The following PCDHGB7 variants were observed in gnomAD, a reference collection of about 807,000 sequenced individuals.
PCDHGB7 encodes the protein protocadherin gamma-B7.
In PCDHGB7, 37 loss-of-function variants were observed where a neutral mutation model predicts 61.4. The ratio of observed to expected loss-of-function variants is 0.60; its 90% CI spans 0.46 to 0.79. The LOEUF (loss-of-function observed/expected upper bound fraction) is 0.79, where lower values mean the gene tolerates loss of function less well. Ranked by LOEUF, PCDHGB7 falls within the 30% of genes least tolerant of loss-of-function variation. The probability of loss-of-function intolerance (pLI) is 0.00; values close to 1 mark genes in which losing one functional copy is unlikely to be tolerated. For missense variants in PCDHGB7, 1,166 were observed against 1,202.5 expected (o/e 0.97, Z 0.45); for synonymous variants, 464 against 503.5 (o/e 0.92, Z 1.05).
At position 141,418,990 on chromosome 5, in the gene PCDHGB7, G is replaced by A. The variant is rs1029969170; in HGVS notation, c.1131G>A (p.Gly377=). 1 of 1,613,784 alleles carries A rather than the reference G, an allele frequency of 6.2e-7. No homozygotes were observed. Among genetic ancestry groups the A allele is most frequent in the African/African-American group, 1.3e-5 (1 of 74,880 alleles). Residue 377 remains glycine, a synonymous_variant, in exon 1 of 4, where the codon GGG becomes GGA. Transcript: ENST00000398594. ...ALFKTRDQDS[G]ENGEVRCSLS... is the part of the protein sequence containing the mutation. ...TCAAAACACGGGACCAAGACTCAGGGGAAAATGGGGAAGTCAGGTGTAGCT... is the reference window on the plus strand; with the variant it reads ...TCAAAACACGGGACCAAGACTCAGGAGAAAATGGGGAAGTCAGGTGTAGCT...
chr5:141,502,126 A>C (rs2154593060), intron 2 of PCDHGB7, among the ~76,000 whole-genome samples: 1 of 152,252 alleles, frequency 6.6e-6, no homozygotes, highest in South Asian at 2.1e-4. Flanking sequence ...AGGCCCACAG[A>C]GCTCAGTCGG....
intron 3 of PCDHGB7, among the ~76,000 whole-genome samples, chr5:141,506,045 C>G (rs1379226123): frequency 6.6e-6 from 1 of 152,078 alleles, no homozygotes; most frequent in Non-Finnish European, 1.5e-5. Flanking sequence ...TCTGGTTTTC[C>G]CATAAGGTTG....
intron 2 of PCDHGB7, among the ~76,000 whole-genome samples, chr5:141,503,166 A>T (rs1246987375): frequency 1.3e-5 from 2 of 151,884 alleles, no homozygotes; most frequent in Admixed American, 1.3e-4. Context: ...CACAATTGCA[A>T]TTACTCTATT....
rs1168799961 is a variant in PCDHGB7, at chr5:141,487,844, A to G, written c.2416-6963A>G. ...CGGGTCATGCCTATATCTGAGTAAG[A>G]AATGAAAGTAATTGGTGATCAAGAG... On this transcript the variant is annotated intron_variant, in intron 1 of 3. Coordinates refer to ENST00000398594, the MANE Select transcript of PCDHGB7 (RefSeq NM_018927.4). The surrounding 1 kb of genome is among the most constrained non-coding windows in gnomAD (Gnocchi z 5.0). 2 of 1,043,076 alleles carry G rather than the reference A, an allele frequency of 1.9e-6. No homozygotes were observed. Among genetic ancestry groups the G allele is most frequent in the Non-Finnish European group, 2.7e-6 (2 of 730,916 alleles). The allele number at this position is 1,043,076 out of a possible 1,614,324, so 64.6% of individuals were successfully genotyped here.
At chr5:141,498,372 C>A (rs1008996197) in intron 2 of PCDHGB7, among the ~76,000 whole-genome samples, 3 of 151,730 alleles carry the variant, frequency 2.0e-5, no homozygotes, top group Admixed American at 1.3e-4. Flanking sequence ...GTGGTGAGGC[C>A]TCCTGGGATC....
At chr5:141,436,318 CTG>C (rs1309397202) in intron 1 of PCDHGB7, among the ~76,000 whole-genome samples, 1 of 152,154 alleles carries the variant, frequency 6.6e-6, no homozygotes, top group Non-Finnish European at 1.5e-5. Flanking sequence ...ATAGTCAAGA[CTG>C]TTAGACCATA....
chr5:141,469,036 G>T (rs1396748159), intron 1 of PCDHGB7, among the ~76,000 whole-genome samples: 2 of 152,076 alleles, frequency 1.3e-5, no homozygotes, highest in Non-Finnish European at 2.9e-5. Flanking sequence ...CAGCACTTTG[G>T]GAGGCCAAGG....
rs1355002535 is a variant in PCDHGB7 at position 141,420,054 on chromosome 5, G to A, written c.2195G>A (p.Cys732Tyr). Residue 732 changes from cysteine (C) to tyrosine (Y), a missense_variant, in exon 1 of 4, where the codon TGC (cysteine) becomes TAC (tyrosine). Coordinates refer to ENST00000398594, the MANE Select transcript of PCDHGB7 (RefSeq NM_018927.4). ...TAGDCFESVL[C>Y]SKSGPVGPPN... ...GGAGACTGCTTTGAGTCAGTTCTCT[G>A]CTCCAAGTCCGGACCTGTGGGTCCC... The A allele has an allele frequency of 6.2e-7, 1 of 1,614,070 alleles. No individual in the cohort carries two copies. The highest frequency in any genetic ancestry group is 2.2e-5 in the East Asian group (1 of 44,884).
rs946798767 is a variant in PCDHGB7 at position 141,438,591 on chromosome 5, C to CATATAT, written c.2415+18357_2415+18362dup. Among the ~76,000 whole-genome samples the CATATAT allele has an allele frequency of 1.5e-3, 111 of 75,470 alleles. 1 individual carries two copies. Among genetic ancestry groups the CATATAT allele is most frequent in the Non-Finnish European group, 2.3e-3 (84 of 37,244 alleles). 49.5% of individuals were successfully genotyped at this position (75,470 alleles called of 152,430 possible). A position where few individuals can be genotyped will look rare whatever the true frequency, so the allele number is the denominator to read the frequency against. ...TCTGATATACATACATACATACATA[C>CATATAT]ATATATATATATATATATATATATA... On this transcript the variant is annotated intron_variant, in intron 1 of 3. Transcript: ENST00000398594.
At chr5:141,456,599 A>T (rs2098870253) in intron 1 of PCDHGB7, among the ~76,000 whole-genome samples, 1 of 152,174 alleles carries the variant, frequency 6.6e-6, no homozygotes, top group African/African-American at 2.4e-5. Flanking sequence ...TTTTGATTTG[A>T]TTTTTAAGTC....
chr5:141,472,852 G>A (rs1354948628), intron 1 of PCDHGB7, among the ~76,000 whole-genome samples: 1 of 151,160 alleles, frequency 6.6e-6, no homozygotes, highest in African/African-American at 2.4e-5. Flanking sequence ...TGGGCATGGT[G>A]GCACATGCCT....
chr5:141,433,208 C>CTTTT, intron 1 of PCDHGB7: 1 of 1,293,074 alleles, frequency 7.7e-7, no homozygotes, highest in African/African-American at 1.5e-5. Flanking sequence ...AATCTTCTTT[C>CTTTT]TTTTTTTTTT....
chr5:141,487,623 C>T lies in PCDHGB7; in HGVS notation c.2416-7184C>T, dbSNP rs2099654624. On this transcript the variant is annotated intron_variant, in intron 1 of 3. Coordinates refer to ENST00000398594, the MANE Select transcript of PCDHGB7 (RefSeq NM_018927.4). This position sits in a 1 kb window ranked among gnomAD's most constrained non-coding sequence, Gnocchi z 5.0. The stretch of plus-strand genomic sequence containing the variant: ...CTTCTCTATGGGCTAGAGGTGAGAC[C>T]TTTGCAGGCTCAACAAATGCTTGAG... 6.2e-7 allele frequency: 1 copy of T among 1,614,088 alleles called. No individual in the cohort carries two copies. The highest frequency in any genetic ancestry group is 1.3e-5 in the African/African-American group (1 of 74,930).
At chr5:141,427,765 T>C (rs1331334394) in intron 1 of PCDHGB7, 3 of 1,387,170 alleles carry the variant, frequency 2.2e-6, no homozygotes, top group Non-Finnish European at 2.0e-6. Context: ...ACCACTGACT[T>C]GGAGCTGCGG....
intron 1 of PCDHGB7, among the ~76,000 whole-genome samples, chr5:141,488,600 A>G (rs2099677400): frequency 6.6e-6 from 1 of 152,166 alleles, no homozygotes; most frequent in Admixed American, 6.5e-5. Flanking sequence ...AAGACTTTAC[A>G]AGGTTCTTAC....
chr5:141,432,139 TATCCCAGAGAACA>T lies in PCDHGB7; in HGVS notation c.2415+11875_2415+11887del, dbSNP rs745506362. On this transcript the variant is annotated intron_variant, in intron 1 of 3. Transcript: ENST00000398594. The surrounding 1 kb of genome is among the most constrained non-coding windows in gnomAD (Gnocchi z 6.0). ...TCCCTCAGGCCTCCTATTCCGCTTA[TATCCCAGAGAACA>T]ATCCCAGAGGAGTTTCCCTCGTCTC... 1.1e-5 allele frequency: 17 copies of T among 1,613,976 alleles called. No individual in the cohort carries two copies. The highest frequency in any genetic ancestry group is 1.3e-5 in the African/African-American group (1 of 74,892).
chr5:141,493,935 C>T lies in PCDHGB7; in HGVS notation c.2416-872C>T, dbSNP rs1317863228. Among the ~76,000 whole-genome samples the T allele has an allele frequency of 6.6e-6, 1 of 152,158 alleles. No homozygotes were observed. Among genetic ancestry groups the T allele is most frequent in the Non-Finnish European group, 1.5e-5 (1 of 68,020 alleles). On this transcript the variant is annotated intron_variant, in intron 1 of 3. Coordinates refer to ENST00000398594, the MANE Select transcript of PCDHGB7 (RefSeq NM_018927.4). This position sits in a 1 kb window ranked among gnomAD's most constrained non-coding sequence, Gnocchi z 4.3. Reference sequence around the variant, plus strand: ...TGGGATAACACACCCCCTGGAAAGACCAGAAGGGACTCAGGAATGAAGTGG... The same window carrying T: ...TGGGATAACACACCCCCTGGAAAGATCAGAAGGGACTCAGGAATGAAGTGG...
chr5:141,485,174 A>G lies in PCDHGB7; in HGVS notation c.2416-9633A>G. 6.2e-7 allele frequency: 1 copy of G among 1,611,406 alleles called. No individual in the cohort carries two copies. The highest frequency in any genetic ancestry group is 8.5e-7 in the Non-Finnish European group (1 of 1,177,898). ...AGTAGAGAATTAGCGGGCGGCAGCA[A>G]TGCTCCGCAAGGTGAGAAGCTGGAC... On this transcript the variant is annotated intron_variant, in intron 1 of 3. Coordinates refer to ENST00000398594, the MANE Select transcript of PCDHGB7 (RefSeq NM_018927.4). The surrounding 1 kb of genome is among the most constrained non-coding windows in gnomAD (Gnocchi z 5.7).
At position 141,505,495 on chromosome 5, in the gene PCDHGB7, G is replaced by A. The variant is rs767547572; in HGVS notation, c.2563+14G>A. On this transcript the variant is annotated intron_variant, in intron 3 of 3. Transcript: ENST00000398594. ...CGTCCGCCAGTGGTAAGTGGTGTCA[G>A]TGTGTGTATGGAAGAGTGGGAGACC... The A allele has an allele frequency of 7.9e-5, 128 of 1,614,092 alleles. No homozygotes were observed. Among genetic ancestry groups the A allele is most frequent in the Non-Finnish European group, 1.0e-4 (123 of 1,180,008 alleles).
Sources: allele counts gnomAD v4.1 joint callset (sites outside exome capture counted in the v4.1 genomes callset), GRCh38; gene constraint gnomAD v4.1.1; non-coding constraint Gnocchi (gnomAD v3.1); transcripts MANE v1.5; gene names NCBI Gene and HGNC (gene_info 2026-07-23, HGNC 2026-07-21).